TBC1D9: variants seen among roughly 807,000 people sequenced by gnomAD.
TBC1D9 encodes TBC1 domain family member 9.
TBC1D9 carries 63 observed loss-of-function variants against 132.0 expected under a neutral mutation model. The ratio of observed to expected loss-of-function variants is 0.48; its 90% CI spans 0.39 to 0.59. TBC1D9 has a LOEUF of 0.59. TBC1D9 is among the 20% of genes least tolerant of loss of function. The probability of loss-of-function intolerance (pLI) is 0.00; values close to 1 mark genes in which losing one functional copy is unlikely to be tolerated. For missense variants in TBC1D9, 1,261 were observed against 1,592.7 expected (o/e 0.79, Z 3.54); for synonymous variants, 610 against 609.9 (o/e 1.00, Z 0.00).
chr4:140,696,927 A>G (rs1737968943), intron 2 of TBC1D9, among the ~76,000 whole-genome samples: 1 of 152,224 alleles, frequency 6.6e-6, no homozygotes, highest in Admixed American at 6.5e-5. Context: ...CCTATGCCAT[A>G]CTAACTTTGT....
In TBC1D9 at chr4:140,668,950, T is replaced by C. The variant is rs1737490984; in HGVS notation, c.1555A>G (p.Ser519Gly). ...RELVLKGIPE[S>G]MRGELWLLLS... Reference sequence around the variant, plus strand: ...AGCAGCCAGAGCTCCCCACGCATGCTCTCCGGGATGCCCTTCAACACCAGC... The same window carrying C: ...AGCAGCCAGAGCTCCCCACGCATGCCCTCCGGGATGCCCTTCAACACCAGC... Residue 519 changes from serine (S) to glycine (G), a missense_variant, in exon 9 of 21, where the codon AGC (serine) becomes GGC (glycine). Physicochemically the swap from Ser to Gly is moderately conservative, Grantham distance 56. Transcript: ENST00000442267. The C allele has an allele frequency of 6.2e-7, 1 of 1,613,878 alleles. No individual in the cohort carries two copies. The highest frequency in any genetic ancestry group is 8.5e-7 in the Non-Finnish European group (1 of 1,179,848).
chr4:140,678,557 C>G (rs1316085185), intron 5 of TBC1D9, among the ~76,000 whole-genome samples: 1 of 152,198 alleles, frequency 6.6e-6, no homozygotes, highest in Non-Finnish European at 1.5e-5. Context: ...CATCTTCCCT[C>G]TGCTTGAAAT....
Position 140,621,023 on chromosome 4 carries a change from T to C in TBC1D9, c.*1172A>G, listed in dbSNP as rs1736605469. On this transcript the variant is annotated 3_prime_UTR_variant, in exon 21 of 21. Transcript: ENST00000442267. ...TCAGAAGAAAAAATCGTCCAACATC[T>C]GTAAAAAGCAAAATCATAACAGTAA... is the stretch of plus-strand genomic sequence containing the variant. 6.6e-6 allele frequency: 1 copy of C among 152,620 alleles called. No homozygotes were observed. Among genetic ancestry groups the C allele is most frequent in the Non-Finnish European group, 1.5e-5 (1 of 68,036 alleles). 9.5% of individuals were successfully genotyped at this position (152,620 alleles called of 1,614,324 possible). A position where few individuals can be genotyped will look rare whatever the true frequency, so the allele number is the denominator to read the frequency against.
intron 3 of TBC1D9, 122 bp from the exon 4 acceptor site, chr4:140,679,965 TGGCAACCCCCAAA>T: frequency 2.9e-6 from 2 of 698,114 alleles, no homozygotes; most frequent in Non-Finnish European, 4.6e-6. Flanking sequence ...TGCCCTTCAA[TGGCAACCCCCAAA>T]TTCTAAGCCA....
At chr4:140,624,675 A>C (rs988595771) in intron 18 of TBC1D9, among the ~76,000 whole-genome samples, 3 of 152,190 alleles carry the variant, frequency 2.0e-5, no homozygotes, top group Admixed American at 2.0e-4. Context: ...TACATGTCCC[A>C]TAATTTTATC....
rs181567237 is a variant in TBC1D9, at chr4:140,659,115, T to C, written c.1921+473A>G. Among the ~76,000 whole-genome samples the C allele has an allele frequency of 6.4e-3, 980 of 152,312 alleles. 6 individuals carry two copies. The highest frequency in any genetic ancestry group is 0.012 in the Non-Finnish European group (803 of 68,018). On this transcript the variant is annotated intron_variant, in intron 11 of 20. Transcript: ENST00000442267. ...GGAGTAACAGCAATAATTTAAATCC[T>C]CAAAACAGGTGTTTGCTTTGCAATA... is the stretch of plus-strand genomic sequence containing the variant.
intron 13 of TBC1D9, among the ~76,000 whole-genome samples, chr4:140,648,516 G>A (rs780652908): frequency 3.3e-5 from 5 of 151,364 alleles, no homozygotes; most frequent in Non-Finnish European, 7.4e-5. Context: ...CTCCCAAGTA[G>A]CTGGGACTAC....
At chr4:140,693,758 C>T (rs777232502) in intron 2 of TBC1D9, among the ~76,000 whole-genome samples, 1 of 152,182 alleles carries the variant, frequency 6.6e-6, no homozygotes, top group Non-Finnish European at 1.5e-5. Context: ...CCTCTCAGGC[C>T]CTGGAACACT....
At chr4:140,648,385 G>GTTT (rs1243797618) in intron 13 of TBC1D9, among the ~76,000 whole-genome samples, 149 of 121,788 alleles carry the variant, frequency 1.2e-3, no homozygotes, top group African/African-American at 2.8e-3. Flanking sequence ...TTTTGTTGTT[G>GTTT]TTTTTTTTTT....
chr4:140,691,245 C>T (rs1483167457), intron 2 of TBC1D9, among the ~76,000 whole-genome samples: 1 of 152,204 alleles, frequency 6.6e-6, no homozygotes, highest in African/African-American at 2.4e-5. Context: ...TCCAAGTTAC[C>T]TCTCAGAGAT....
chr4:140,670,680 C>T (rs1369707744), intron 7 of TBC1D9, 40 bp downstream of exon 7: 2 of 1,574,276 alleles, frequency 1.3e-6, no homozygotes, highest in Non-Finnish European at 1.7e-6. Flanking sequence ...GGCACAGGAA[C>T]AGGATAAACC....
intron 9 of TBC1D9, among the ~76,000 whole-genome samples, chr4:140,667,047 T>C (rs1380008070): frequency 2.6e-5 from 4 of 152,218 alleles, no homozygotes; most frequent in Non-Finnish European, 1.5e-5. Flanking sequence ...CTGACCTGCA[T>C]TTCATTTCAG....
intron 11 of TBC1D9, 81 bp downstream of exon 11, chr4:140,659,507 A>T: frequency 1.0e-6 from 1 of 961,984 alleles, no homozygotes; most frequent in Middle Eastern, 2.2e-4. Context: ...GGTGACCAGA[A>T]ATAGTGTTCT....
intron 6 of TBC1D9, 109 bp from the exon 7 acceptor site, chr4:140,671,035 C>G (rs1485410033): frequency 4.5e-6 from 4 of 895,304 alleles, no homozygotes; most frequent in Non-Finnish European, 7.0e-6. Flanking sequence ...CTATAGGAAC[C>G]ACCTATATTT....
chr4:140,625,290 C>G (rs1165581117), intron 18 of TBC1D9, among the ~76,000 whole-genome samples: 3 of 151,988 alleles, frequency 2.0e-5, no homozygotes, highest in African/African-American at 7.3e-5. Context: ...TAAAATGTTA[C>G]ATGCTATAAA....
At chr4:140,666,845 A>C (rs1737453808) in intron 9 of TBC1D9, among the ~76,000 whole-genome samples, 1 of 152,096 alleles carries the variant, frequency 6.6e-6, no homozygotes, top group Non-Finnish European at 1.5e-5. Flanking sequence ...CAGGGTAAAC[A>C]CTCAACATTT....
intron 2 of TBC1D9, among the ~76,000 whole-genome samples, chr4:140,687,337 G>A: frequency 1.8e-5 from 2 of 112,456 alleles, no homozygotes; most frequent in African/African-American, 6.1e-5. Context: ...GTGTGTGTGT[G>A]TGTGTCATAT....
At chr4:140,652,390 G>A (rs1228720371) in intron 13 of TBC1D9, among the ~76,000 whole-genome samples, 2 of 152,084 alleles carry the variant, frequency 1.3e-5, no homozygotes, top group Admixed American at 1.3e-4. Context: ...TTGTTGCACA[G>A]GAAGCAGAGA....
At chr4:140,688,132 G>C (rs1737818383) in intron 2 of TBC1D9, among the ~76,000 whole-genome samples, 1 of 152,114 alleles carries the variant, frequency 6.6e-6, no homozygotes, top group Admixed American at 6.6e-5. Flanking sequence ...GTGGAGAAGA[G>C]TCCAGTGAAA....
Sources: allele counts gnomAD v4.1 joint callset (sites outside exome capture counted in the v4.1 genomes callset), GRCh38; gene constraint gnomAD v4.1.1; transcripts MANE v1.5; gene names NCBI Gene and HGNC (gene_info 2026-07-23, HGNC 2026-07-21).